Variants in RAD51B observed in about 807,000 individuals in gnomAD.
RAD51B encodes the protein DNA repair protein RAD51 homolog 2.
RAD51B carries 38 observed loss-of-function variants against 42.2 expected under a neutral mutation model. The observed-to-expected ratio is 0.90, with a 90% CI of 0.70 to 1.18. The LOEUF is 1.18. RAD51B is among the 50% of genes most tolerant of loss of function. The pLI, the probability that RAD51B is intolerant of heterozygous loss-of-function variation, is 0.00. For synonymous variants in RAD51B, 154 were observed against 145.2 expected, an observed-to-expected ratio of 1.06 and a Z score of -0.43; for missense variants, 373 against 400.7, an observed-to-expected ratio of 0.93 and a Z score of 0.59.
intron 10 of RAD51B, among the ~76,000 whole-genome samples, chr14:68,471,080 A>G (rs2086111348): frequency 6.6e-6 from 1 of 152,200 alleles, no homozygotes; most frequent in Non-Finnish European, 1.5e-5. Flanking sequence ...TTCTTACATG[A>G]GGAGCTGCAC....
At chr14:68,445,784 C>G (rs1051258492) in intron 9 of RAD51B, among the ~76,000 whole-genome samples, 1 of 152,148 alleles carries the variant, frequency 6.6e-6, no homozygotes, top group Admixed American at 6.5e-5. Flanking sequence ...ATAATTAAGA[C>G]TTTTCTAAAG....
At chr14:68,238,436 T>G (rs8013323) in intron 7 of RAD51B, among the ~76,000 whole-genome samples, 4,469 of 152,202 alleles carry the variant, frequency 0.029, 222 homozygotes, top group African/African-American at 0.1. Flanking sequence ...AAGTAGCTAG[T>G]ACTACAGGTA....
chr14:67,824,090 GT>G (rs1019080853), intron 2 of RAD51B, among the ~76,000 whole-genome samples: 12 of 152,134 alleles, frequency 7.9e-5, no homozygotes, highest in Admixed American at 2.0e-4. Flanking sequence ...TTGGTTGGTT[GT>G]TTTTGTTCTT....
intron 10 of RAD51B, among the ~76,000 whole-genome samples, chr14:68,634,284 T>C (rs1892296679): frequency 6.6e-6 from 1 of 152,204 alleles, no homozygotes; most frequent in Non-Finnish European, 1.5e-5. Flanking sequence ...GTATTATTAC[T>C]GTTATCAATG....
At chr14:68,330,852 GT>G (rs2082333006) in intron 8 of RAD51B, among the ~76,000 whole-genome samples, 1 of 152,092 alleles carries the variant, frequency 6.6e-6, no homozygotes, top group African/African-American at 2.4e-5. Flanking sequence ...TTTAGTATTG[GT>G]GACAGTGTGT....
chr14:68,176,785 T>C (rs762846706), intron 7 of RAD51B, among the ~76,000 whole-genome samples: 8 of 152,182 alleles, frequency 5.3e-5, no homozygotes, highest in Non-Finnish European at 8.8e-5. Context: ...TAAATAGTTA[T>C]AGCAGTGCCA....
intron 11 of RAD51B, among the ~76,000 whole-genome samples, chr14:68,661,313 C>G (rs766897290): frequency 6.6e-6 from 1 of 152,208 alleles, no homozygotes; most frequent in African/African-American, 2.4e-5. Flanking sequence ...AGGAGACAGA[C>G]CAGAGCAGTA....
intron 9 of RAD51B, among the ~76,000 whole-genome samples, chr14:68,430,219 T>C (rs879876001): frequency 1.2e-4 from 19 of 152,204 alleles, no homozygotes; most frequent in Non-Finnish European, 2.2e-4. Context: ...TAGGATTGTC[T>C]TGGCAATGTG....
intron 7 of RAD51B, among the ~76,000 whole-genome samples, chr14:68,015,127 G>C (rs765979595): frequency 4.6e-5 from 7 of 152,152 alleles, no homozygotes; most frequent in Admixed American, 2.0e-4. Context: ...TTTCTCATTG[G>C]TAGAAATGGC....
intron 8 of RAD51B, among the ~76,000 whole-genome samples, chr14:68,332,996 G>T (rs188265644): frequency 4.6e-5 from 7 of 152,148 alleles, no homozygotes; most frequent in Non-Finnish European, 8.8e-5. Context: ...CAGGAAAATG[G>T]ATAGGTAGAT....
chr14:68,158,280 G>A (rs578184835), intron 7 of RAD51B, among the ~76,000 whole-genome samples: 5 of 152,200 alleles, frequency 3.3e-5, no homozygotes, highest in Admixed American at 6.5e-5. Flanking sequence ...GTTGGAAGTT[G>A]CATCATCCAT....
At chr14:68,385,997 T>C (rs1352466555) in intron 8 of RAD51B, among the ~76,000 whole-genome samples, 1 of 152,226 alleles carries the variant, frequency 6.6e-6, no homozygotes. Flanking sequence ...TCTGTGCTCT[T>C]AGCCACTTGT....
chr14:68,243,722 C>A (rs781691577), intron 7 of RAD51B, among the ~76,000 whole-genome samples: 5 of 152,146 alleles, frequency 3.3e-5, no homozygotes, highest in Non-Finnish European at 7.4e-5. Context: ...TCCCCTTTAT[C>A]CTGGGATATC....
chr14:68,499,199 TC>T (rs1274201811), intron 10 of RAD51B, among the ~76,000 whole-genome samples: 1 of 152,082 alleles, frequency 6.6e-6, no homozygotes, highest in Non-Finnish European at 1.5e-5. Context: ...GGTTTTGAAA[TC>T]CCAACATATC....
At chr14:68,681,107 TCTGTCCAGTAATC>T (rs1260324539) in intron 11 of RAD51B, among the ~76,000 whole-genome samples, 3 of 152,224 alleles carry the variant, frequency 2.0e-5, no homozygotes, top group South Asian at 2.1e-4. Flanking sequence ...ATGGATTTAC[TCTGTCCAGTAATC>T]CTGTACAGTA....
intron 11 of RAD51B, among the ~76,000 whole-genome samples, chr14:68,681,895 CT>C (rs1893439210): frequency 6.6e-6 from 1 of 152,088 alleles, no homozygotes; most frequent in Admixed American, 6.6e-5. Context: ...ACTTTGGGGA[CT>C]GGGGAGTGGA....
intron 7 of RAD51B, among the ~76,000 whole-genome samples, chr14:68,140,455 C>T (rs901327973): frequency 6.6e-6 from 1 of 152,210 alleles, no homozygotes; most frequent in African/African-American, 2.4e-5. Flanking sequence ...TAACCCCTAA[C>T]AACCACAGCT....
chr14:68,309,752 A>T (rs2081933092), intron 8 of RAD51B, among the ~76,000 whole-genome samples: 1 of 152,156 alleles, frequency 6.6e-6, no homozygotes, highest in African/African-American at 2.4e-5. Flanking sequence ...AAACATCCCA[A>T]CTAATGGTAG....
chr14:68,133,852 G>T (rs2077953257), intron 7 of RAD51B, among the ~76,000 whole-genome samples: 2 of 151,948 alleles, frequency 1.3e-5, no homozygotes. Context: ...TCATAGCAAG[G>T]TACAAAGAAA....
Sources: gnomAD v4.1 joint callset for allele counts (sites outside exome capture counted in the v4.1 genomes callset) on GRCh38, gnomAD v4.1.1 for gene constraint, MANE v1.5 for transcripts, NCBI Gene and HGNC (gene_info 2026-07-23, HGNC 2026-07-21) for gene names.